SULT1A1: variants seen among roughly 807,000 people sequenced by gnomAD.
The protein encoded by SULT1A1 is sulfotransferase 1A1.
A neutral mutation model predicts 36.8 loss-of-function variants in SULT1A1; 35 were observed. The observed-to-expected ratio is 0.95, with a 90% confidence interval of 0.73 to 1.26. The LOEUF (loss-of-function observed/expected upper bound fraction) is 1.26. Among genes scored for constraint, SULT1A1 ranks in the 50% most tolerant of loss-of-function variants. SULT1A1 has a pLI of 0.00. For synonymous variants in SULT1A1, 119 were observed against 146.0 expected (o/e 0.82, Z 1.33); for missense variants, 309 against 383.0 (o/e 0.81, Z 1.61).
chr16:28,605,581 A>G lies in SULT1A1; in HGVS notation c.*240T>C. On this transcript the variant is annotated 3_prime_UTR_variant, in exon 8 of 8. Transcript: ENST00000314752. ...GCCACTCTGCCTGGCCCACAATCATATTTTATTCTCTTTTTAAAAATTGGT... is the reference window on the plus strand; with the variant it reads ...GCCACTCTGCCTGGCCCACAATCATGTTTTATTCTCTTTTTAAAAATTGGT... The G allele has an allele frequency of 1.4e-6, 1 of 703,882 alleles. No individual in the cohort carries two copies. The highest frequency in any genetic ancestry group is 2.3e-6 in the Non-Finnish European group (1 of 436,466). 43.6% of individuals were successfully genotyped at this position (703,882 alleles called of 1,614,324 possible).
chr16:28,617,533 C>G (rs1184690137), intron 2 of SULT1A1, among the ~76,000 whole-genome samples: 1 of 151,522 alleles, frequency 6.6e-6, no homozygotes, highest in South Asian at 2.1e-4. Context: ...AAGACAGTTT[C>G]TTTTCTTTTC....
chr16:28,605,685 T>G lies in SULT1A1; in HGVS notation c.*136A>C. On this transcript the variant is annotated 3_prime_UTR_variant, in exon 8 of 8. Coordinates refer to ENST00000314752, the MANE Select transcript of SULT1A1 (RefSeq NM_001055.4). ...TCGAACTCCTGGGCTCAAATGATCC[T>G]CCCACCTCAGCCTCCAAATTGCTGG... The G allele has an allele frequency of 6.8e-7, 1 of 1,459,890 alleles. No homozygotes were observed. The highest frequency in any genetic ancestry group is 9.4e-7 in the Non-Finnish European group (1 of 1,061,894). The allele number at this position is 1,459,890 out of a possible 1,614,324, so 90.4% of individuals were successfully genotyped here.
intron 1 of SULT1A1, chr16:28,609,409 G>C (rs768050638): frequency 1.0e-5 from 13 of 1,283,906 alleles, no homozygotes; most frequent in South Asian, 7.4e-5. Context: ...GCCCATTGAG[G>C]AACTGAGCTG....
upstream of SULT1A1, chr16:28,611,586 C>G (rs1357888040): frequency 6.6e-6 from 1 of 152,010 alleles, no homozygotes; most frequent in African/African-American, 2.4e-5. Context: ...CAGCCCCACA[C>G]CTTGTAGGGC....
In SULT1A1 at chr16:28,605,726, C is replaced by G. The variant is rs956534357; in HGVS notation, c.*95G>C. The G allele has an allele frequency of 2.5e-6, 4 of 1,574,164 alleles. No homozygotes were observed. Among genetic ancestry groups the G allele is most frequent in the Non-Finnish European group, 3.5e-6 (4 of 1,156,552 alleles). ...AAATTGCTGGGATTACAGACATGAC[C>G]TACCGTCCCGGGCCCTCAATTCATA... On this transcript the variant is annotated 3_prime_UTR_variant, in exon 8 of 8. Transcript: ENST00000314752.
chr16:28,623,218 G>A (rs1440201477), exon 1 of SULT1A1: 2 of 1,545,584 alleles, frequency 1.3e-6, no homozygotes. Context: ...GCTCGGCCCG[G>A]GAGCGCGCGC....
At chr16:28,619,844 C>T (rs2047615722) in intron 2 of SULT1A1, among the ~76,000 whole-genome samples, 1 of 151,172 alleles carries the variant, frequency 6.6e-6, no homozygotes, top group African/African-American at 2.4e-5. Flanking sequence ...AAAATACATA[C>T]ATATATGTGT....
chr16:28,618,560 G>A (rs1421853235), intron 2 of SULT1A1, among the ~76,000 whole-genome samples: 4 of 151,812 alleles, frequency 2.6e-5, no homozygotes, highest in Non-Finnish European at 4.4e-5. Flanking sequence ...TAGCCAGGAT[G>A]GTCTCGATCT....
upstream of SULT1A1, chr16:28,614,992 C>T (rs1321743423): frequency 2.8e-5 from 3 of 107,880 alleles, no homozygotes; most frequent in South Asian, 2.6e-4. Flanking sequence ...TGGTTCTTCC[C>T]GCTGGGCGCC....
chr16:28,620,093 G>A (rs778854086), exon 2 of SULT1A1: 2 of 1,612,926 alleles, frequency 1.2e-6, no homozygotes, highest in Admixed American at 3.3e-5. Context: ...TCTGTTTCAG[G>A]TCCAAAAATA....
chr16:28,623,350 C>A lies in SULT1A1; in HGVS notation c.-153G>T, dbSNP rs1292090160. On this transcript the variant is annotated 5_prime_UTR_variant, in exon 1 of 6. Coordinates refer to the SULT1A1 transcript ENST00000350842. ...TGCAGCCGTTGCTGCAGCACGTCCC[C>A]GGCGGAGACGAGCGAGCTACGGCAC... The A allele has an allele frequency of 2.7e-6, 4 of 1,495,054 alleles. No individual in the cohort carries two copies. In the East Asian group the frequency reaches 9.9e-5, roughly 37 times the overall value. 92.6% of individuals were successfully genotyped at this position (1,495,054 alleles called of 1,614,324 possible).
chr16:28,622,950 G>T (rs2047684581), intron 1 of SULT1A1, among the ~76,000 whole-genome samples: 1 of 152,032 alleles, frequency 6.6e-6, no homozygotes, highest in African/African-American at 2.4e-5. Flanking sequence ...AAACACCCCA[G>T]CCTCCAGCCT....
In SULT1A1 at chr16:28,608,724, G is replaced by A. The variant is rs564981473; in HGVS notation, c.132C>T (p.Ser44=). ...FQARPDDLLI[S]TYPKSGTTWV... The stretch of plus-strand genomic sequence containing the variant: ...CTCACTTACCGGACTTGGGGTAGGT[G>A]CTGATGAGCAGGTCATCAGGCCGGG... Residue 44 remains serine, a synonymous_variant, in exon 2 of 8, where the codon AGC becomes AGT. Coordinates refer to ENST00000314752, the MANE Select transcript of SULT1A1 (RefSeq NM_001055.4). The A allele has an allele frequency of 1.0e-4, 166 of 1,612,988 alleles. 1 individual carries two copies. In the East Asian group the frequency reaches 3.3e-3, roughly 32 times the overall value.
rs370583688 is a variant in SULT1A1, at chr16:28,608,863, C to T, written c.-4-4G>A. ...GTCCTGGATCAGCTCCATGTTCCTGCGTCAGGGGCCAGAGCCAGGCCCGTT... is the reference window on the plus strand; with the variant it reads ...GTCCTGGATCAGCTCCATGTTCCTGTGTCAGGGGCCAGAGCCAGGCCCGTT... On this transcript the variant is annotated splice_polypyrimidine_tract_variant and splice_region_variant and intron_variant, in intron 1 of 7. Coordinates refer to ENST00000314752, the MANE Select transcript of SULT1A1 (RefSeq NM_001055.4). 2,089 of 1,611,286 alleles carry T rather than the reference C, an allele frequency of 1.3e-3. 16 individuals carry two copies. The highest frequency in any genetic ancestry group is 2.2e-3 in the Admixed American group (131 of 59,952).
intron 4 of SULT1A1, chr16:28,607,572 TG>T (rs145414314): frequency 0.045 from 6,757 of 151,770 alleles, 118 homozygotes; most frequent in East Asian, 0.18. Context: ...GCCCCACACC[TG>T]GACCTTTGCT....
chr16:28,608,321 G>A lies in SULT1A1; in HGVS notation c.342C>T (p.Leu114=), dbSNP rs758208254. 7 of 1,612,370 alleles carry A rather than the reference G, an allele frequency of 4.3e-6. No homozygotes were observed. Among genetic ancestry groups the A allele is most frequent in the East Asian group, 2.2e-5 (1 of 44,870 alleles). The part of the protein sequence containing the change: ...LLKTHLPLAL[L]PQTLLDQKVK... ...CCTTCTGATCCAACAGAGTCTGGGGGAGCAGAGCCAGGGGCAGGTGTGTCT... is the reference window on the plus strand; with the variant it reads ...CCTTCTGATCCAACAGAGTCTGGGGAAGCAGAGCCAGGGGCAGGTGTGTCT... Residue 114 remains leucine (L), a synonymous_variant, in exon 4 of 8, where the codon CTC becomes CTT. Coordinates refer to ENST00000314752, the MANE Select transcript of SULT1A1 (RefSeq NM_001055.4).
At chr16:28,620,230 A>G (rs2047624615) in intron 1 of SULT1A1, 2 of 1,137,536 alleles carry the variant, frequency 1.8e-6, no homozygotes, top group Non-Finnish European at 1.3e-6. Flanking sequence ...CAAAGTAACC[A>G]TCACTATCAT....
chr16:28,618,743 C>T (rs2151721432), intron 2 of SULT1A1, among the ~76,000 whole-genome samples: 1 of 152,300 alleles, frequency 6.6e-6, no homozygotes, highest in East Asian at 1.9e-4. Flanking sequence ...AAACCTTCTC[C>T]TTCACTATCA....
Position 28,606,954 on chromosome 16 carries a change from C to T in SULT1A1, c.496G>A (p.Glu166Lys), listed in dbSNP as rs1317652955. Residue 166 changes from glutamate to lysine, a missense_variant, in exon 5 of 8, where the codon GAA (glutamate) becomes AAA (lysine). This residue lies in a region of SULT1A1 where 219 missense variants were observed against 215.3 expected (regional missense o/e 1.02). Transcript: ENST00000314752. ...TCCTTCCTCCCATCAAACCCACCTTCTCCGACCATGAACTTCTCCAGGAAG... is the reference window on the plus strand; with the variant it reads ...TCCTTCCTCCCATCAAACCCACCTTTTCCGACCATGAACTTCTCCAGGAAG... ...DSFLEKFMVG[E>K]VSYGSWYQHV... is the part of the protein sequence containing the mutation. 3 of 1,612,424 alleles carry T rather than the reference C, an allele frequency of 1.9e-6. No homozygotes were observed. The African/African-American group carries it at 4.0e-5, about 22-fold the overall frequency.
Sources: gnomAD v4.1 joint callset for allele counts (sites outside exome capture counted in the v4.1 genomes callset) on GRCh38, gnomAD v4.1.1 for gene constraint, gnomAD v4.1.1 regional missense constraint, MANE v1.5 for transcripts, NCBI Gene and HGNC (gene_info 2026-07-23, HGNC 2026-07-21) for gene names.